SPTA1: variants seen among roughly 807,000 people sequenced by gnomAD.
The protein encoded by SPTA1 is spectrin alpha chain, erythrocytic 1.
A neutral mutation model predicts 324.7 loss-of-function variants in SPTA1; 177 were observed. The observed-to-expected ratio is 0.55, with a 90% CI of 0.48 to 0.62. SPTA1 has a LOEUF of 0.62. Among genes scored for constraint, SPTA1 ranks in the 20% least tolerant of loss-of-function variants. The probability of loss-of-function intolerance (pLI) is 0.00; values close to 1 mark genes in which losing one functional copy is unlikely to be tolerated. For synonymous variants in SPTA1, 1,195 were observed against 1,041.3 expected (o/e 1.15, Z -2.84); for missense variants, 3,162 against 2,883.6 (o/e 1.10, Z -2.21).
chr1:158,678,381 A>G lies in SPTA1; in HGVS notation c.812+20T>C, dbSNP rs140701005. 7.6e-5 allele frequency: 122 copies of G among 1,613,432 alleles called. No homozygotes were observed. Among genetic ancestry groups the G allele is most frequent in the Non-Finnish European group, 9.0e-5 (106 of 1,179,522 alleles). ...TAAAGCACTTCAAAGTTTTCTATAAAGCAGTGGCCAGATCCATACCTTTTG... is the reference window on the plus strand; with the variant it reads ...TAAAGCACTTCAAAGTTTTCTATAAGGCAGTGGCCAGATCCATACCTTTTG... On this transcript the variant is annotated intron_variant, in intron 6 of 51. Transcript: ENST00000643759.
In SPTA1 at chr1:158,647,713, A is replaced by G. The variant is rs368004559; in HGVS notation, c.3722T>C (p.Ile1241Thr). The G allele has an allele frequency of 3.1e-6, 5 of 1,613,710 alleles. No homozygotes were observed. Among genetic ancestry groups the G allele is most frequent in the Non-Finnish European group, 4.2e-6 (5 of 1,179,874 alleles). ...GAGCCGCTCTGCTGTCTCCCCCAGTATGGTCACCTGGGGAGGTACAATAGC... is the reference window on the plus strand; with the variant it reads ...GAGCCGCTCTGCTGTCTCCCCCAGTGTGGTCACCTGGGGAGGTACAATAGC... Reference protein sequence around the residue: ...DLVPLGDKVTILGETAERLSE... With the variant: ...DLVPLGDKVTTLGETAERLSE... The change falls in exon 27 of 52, where the codon ATA becomes ACA. Residue 1241 changes from isoleucine (I) to threonine (T), a missense_variant. Coordinates refer to ENST00000643759, the MANE Select transcript of SPTA1 (RefSeq NM_003126.4).
Position 158,626,254 on chromosome 1 carries a change from A to T in SPTA1, c.5834-32T>A, listed in dbSNP as rs144878597. On this transcript the variant is annotated intron_variant, in intron 41 of 51. Transcript: ENST00000643759. ...GGCAAAAACAATTAAGAAGAGAAAG[A>T]CATTTGGTCTTGTTTGAGTCCTGGG... 3.0e-4 allele frequency: 477 copies of T among 1,606,158 alleles called. No homozygotes were observed. The African/African-American group carries it at 5.7e-3, about 19-fold the overall frequency.
Position 158,677,703 on chromosome 1 carries a change from A to G in SPTA1, c.944T>C (p.Val315Ala). ...ACAGCGCATTACCTTGTCACTCATG[A>G]CAGCAAGATTTCTCTCAAGTCCCTT... ...SHKGLERNLA[V>A]MSDKVKELCA... The change falls in exon 7 of 52, where the codon GTC (valine) becomes GCC (alanine). Residue 315 changes from valine to alanine, a missense_variant. Transcript: ENST00000643759. 6.2e-7 allele frequency: 1 copy of G among 1,613,440 alleles called. No homozygotes were observed. The highest frequency in any genetic ancestry group is 8.5e-7 in the Non-Finnish European group (1 of 1,179,672).
Position 158,666,384 on chromosome 1 carries a change from C to T in SPTA1, c.2152G>A (p.Gly718Ser). Residue 718 changes from glycine (G) to serine (S), a missense_variant, in exon 16 of 52, where the codon GGC becomes AGC. Physicochemically the swap from Gly to Ser is moderately conservative, Grantham distance 56. Transcript: ENST00000643759. ...WQVTSEDYGK[G>S]LAEVQNRLRK... ...AGTCGATTCTGTACCTCGGCCAGGC[C>T]TTTCCCATAATCCTCAGAGGTGACT... 6.2e-7 allele frequency: 1 copy of T among 1,613,956 alleles called. No homozygotes were observed. The highest frequency in any genetic ancestry group is 8.5e-7 in the Non-Finnish European group (1 of 1,179,976).
chr1:158,674,606 A>G lies in SPTA1; in HGVS notation c.1182T>C (p.Asn394=). The part of the protein sequence containing the change: ...GWMNEKTAAI[N]ADELPTDVAG... ...CCACATCTGTTGGCAGCTCATCAGCATTGATCGCAGCAGTCTTCTCGTTCA... is the reference window on the plus strand; with the variant it reads ...CCACATCTGTTGGCAGCTCATCAGCGTTGATCGCAGCAGTCTTCTCGTTCA... The change falls in exon 9 of 52, where the codon AAT becomes AAC. Residue 394 remains asparagine, a synonymous_variant. Transcript: ENST00000643759. 6 of 1,614,152 alleles carry G rather than the reference A, an allele frequency of 3.7e-6. No homozygotes were observed. The highest frequency in any genetic ancestry group is 5.1e-6 in the Non-Finnish European group (6 of 1,180,010).
At position 158,662,903 on chromosome 1, in the gene SPTA1, C is replaced by T; in HGVS notation, c.2263G>A (p.Glu755Lys). Residue 755 changes from glutamate to lysine, a missense_variant, in exon 17 of 52, where the codon GAA becomes AAA. Transcript: ENST00000643759. ...ILTDLAAYFE[E>K]IGHPDSKDIR... ...TCCTTAGAATCAGGATGGCCTATTT[C>T]TTCAAAATATGCAGCCAGGTCTGTA... 6.2e-7 allele frequency: 1 copy of T among 1,614,062 alleles called. No homozygotes were observed. Among genetic ancestry groups the T allele is most frequent in the Non-Finnish European group, 8.5e-7 (1 of 1,179,962 alleles).
chr1:158,662,927 T>C lies in SPTA1; in HGVS notation c.2239A>G (p.Thr747Ala). 6.2e-7 allele frequency: 1 copy of C among 1,614,018 alleles called. No individual in the cohort carries two copies. The highest frequency in any genetic ancestry group is 1.1e-5 in the South Asian group (1 of 91,080). The change falls in exon 17 of 52, where the codon ACA becomes GCA. Residue 747 changes from threonine to alanine, a missense_variant. Thr to Ala is a moderately conservative substitution (Grantham distance 58, BLOSUM62 0). Coordinates refer to ENST00000643759, the MANE Select transcript of SPTA1 (RefSeq NM_003126.4). Reference sequence around the variant, plus strand: ...TCTTCAAAATATGCAGCCAGGTCTGTAAGGATATCCACCTGATCCTAAGGG... The same window carrying C: ...TCTTCAAAATATGCAGCCAGGTCTGCAAGGATATCCACCTGATCCTAAGGG... The part of the protein sequence containing the change: ...AARQDQVDIL[T>A]DLAAYFEEIG...
At chr1:158,639,546 T>C in intron 35 of SPTA1, 36 bp downstream of exon 35, 2 of 1,602,850 alleles carry the variant, frequency 1.2e-6, no homozygotes, top group Non-Finnish European at 1.7e-6. Flanking sequence ...AATATTTCTA[T>C]TCTGCCCAGA....
At chr1:158,640,908 A>G (rs1033038511) in intron 33 of SPTA1, among the ~76,000 whole-genome samples, 1 of 152,212 alleles carries the variant, frequency 6.6e-6, no homozygotes, top group Non-Finnish European at 1.5e-5. Context: ...ACTTCAAACT[A>G]TACTACAAGG....
intron 3 of SPTA1, among the ~76,000 whole-genome samples, chr1:158,682,649 T>C (rs1419108883): frequency 2.0e-5 from 3 of 152,132 alleles, no homozygotes; most frequent in Non-Finnish European, 4.4e-5. Flanking sequence ...CAAATTTGTT[T>C]TGACAATTAA....
chr1:158,621,439 A>G (rs769401433), intron 43 of SPTA1, among the ~76,000 whole-genome samples: 2 of 152,218 alleles, frequency 1.3e-5, no homozygotes, highest in Non-Finnish European at 2.9e-5. Flanking sequence ...ATAGATCAAT[A>G]CAGAGAAAAT....
In SPTA1 at chr1:158,672,071, C is replaced by G. The variant is rs763410384; in HGVS notation, c.1476G>C (p.Met492Ile). The G allele has an allele frequency of 3.1e-6, 5 of 1,614,034 alleles. No homozygotes were observed. The highest frequency in any genetic ancestry group is 4.2e-6 in the Non-Finnish European group (5 of 1,179,952). Residue 492 changes from methionine (M) to isoleucine (I), a missense_variant, in exon 11 of 52, where the codon ATG becomes ATC. Transcript: ENST00000643759. ...YRDSEQVDSW[M>I]SRQEAFLENE... ...CCCCTCCCGTTACCTCTTGTCTACT[C>G]ATCCAACTGTCCACTTGCTCACTGT...
At chr1:158,644,441 G>A (rs1186189676) in intron 29 of SPTA1, 45 bp from the exon 30 acceptor site, 5 of 1,611,528 alleles carry the variant, frequency 3.1e-6, no homozygotes, top group Non-Finnish European at 4.2e-6. Context: ...TCCATGTGGT[G>A]TGGAGGAAAT....
At chr1:158,626,096 G>A (rs1186405168) in intron 42 of SPTA1, 50 bp downstream of exon 42, 3 of 1,506,536 alleles carry the variant, frequency 2.0e-6, no homozygotes, top group African/African-American at 2.8e-5. Context: ...TGGAGGATGA[G>A]CTTCTGTGTG....
Position 158,612,799 on chromosome 1 carries a change from A to G in SPTA1, c.7134+18T>C. 6.2e-7 allele frequency: 1 copy of G among 1,613,502 alleles called. No individual in the cohort carries two copies. The highest frequency in any genetic ancestry group is 8.5e-7 in the Non-Finnish European group (1 of 1,179,668). ...AATTAGGATGACAGTGTAGTAGGGG[A>G]AGCAACCAGAATCGGACCTGCTTCA... is the stretch of plus-strand genomic sequence containing the variant. On this transcript the variant is annotated intron_variant, in intron 51 of 51. Transcript: ENST00000643759.
At position 158,677,659 on chromosome 1, in the gene SPTA1, C is replaced by T. The variant is rs747104468; in HGVS notation, c.957+31G>A. 2.3e-5 allele frequency: 37 copies of T among 1,611,728 alleles called. No homozygotes were observed. The East Asian group carries it at 3.1e-4, about 14-fold the overall frequency. The stretch of plus-strand genomic sequence containing the variant: ...TCAACAATTGCCTCTTCTAGCTCAA[C>T]GGGTTAGCCATTTCTCTAACAGCGC... On this transcript the variant is annotated intron_variant, in intron 7 of 51. Transcript: ENST00000643759.
At position 158,615,915 on chromosome 1, in the gene SPTA1, T is replaced by C. The variant is rs540656393; in HGVS notation, c.6601-512A>G. On this transcript the variant is annotated intron_variant, in intron 47 of 51. Transcript: ENST00000643759. ...CACTTTCATCAACTTGGGATGATTT[T>C]CATGGGCTGCTCCTGCCATGCAGAC... Among the ~76,000 whole-genome samples, 45 of 152,318 alleles carry C rather than the reference T, an allele frequency of 3.0e-4. 1 individual carries two copies. In the South Asian group the frequency reaches 8.9e-3, roughly 30 times the overall value.
intron 5 of SPTA1, 28 bp downstream of exon 5, chr1:158,680,555 C>A (rs143715958): frequency 3.7e-6 from 6 of 1,613,202 alleles, no homozygotes; most frequent in Non-Finnish European, 4.2e-6. Context: ...ACCCTTTGCA[C>A]GGAGTGAATA....
chr1:158,649,723 C>T, intron 25 of SPTA1, 133 bp downstream of exon 25: 2 of 759,628 alleles, frequency 2.6e-6, no homozygotes, highest in Admixed American at 2.3e-5. Context: ...TACTAAAAAA[C>T]CTAATTTTCT....
Sources: allele counts gnomAD v4.1 joint callset (sites outside exome capture counted in the v4.1 genomes callset), GRCh38; gene constraint gnomAD v4.1.1; transcripts MANE v1.5; gene names NCBI Gene and HGNC (gene_info 2026-07-23, HGNC 2026-07-21).